The following NALF1 variants were observed in gnomAD, a reference collection of about 807,000 sequenced individuals.
The protein encoded by NALF1 is NALCN channel auxiliary factor 1.
A neutral mutation model predicts 48.4 loss-of-function variants in NALF1; 3 were observed. The ratio of observed to expected loss-of-function variants is 0.06; its 90% CI spans 0.03 to 0.16. The LOEUF is 0.16. Ranked by LOEUF, NALF1 falls within the 10% of genes least tolerant of loss-of-function variation. NALF1 has a pLI of 1.00. For synonymous variants in NALF1, 262 were observed against 245.7 expected (o/e 1.07, Z -0.62); for missense variants, 526 against 571.5 (o/e 0.92, Z 0.81).
At position 107,862,739 on chromosome 13, in the gene NALF1, G is replaced by A. The variant is rs1880608239; in HGVS notation, c.915+2943C>T. ...ATAATTTTATTAGGTCTATTCTAAGGGGTTTCTTCTGAATAATTGGTCAAA... is the reference window on the plus strand; with the variant it reads ...ATAATTTTATTAGGTCTATTCTAAGAGGTTTCTTCTGAATAATTGGTCAAA... On this transcript the variant is annotated intron_variant, in intron 1 of 2. Transcript: ENST00000375915. Among the ~76,000 whole-genome samples, 4 of 151,692 alleles carry A rather than the reference G, an allele frequency of 2.6e-5. No individual in the cohort carries two copies. The South Asian group carries it at 6.3e-4, about 24-fold the overall frequency.
chr13:107,867,077 G>A lies in NALF1; in HGVS notation c.-481C>T, dbSNP rs1436946915. ...GCCCAGCCCGCTCTCCCCTGCCAGG[G>A]GCATGCCGCGCCTCCGCTGCCCACT... On this transcript the variant is annotated 5_prime_UTR_variant, in exon 1 of 3. Coordinates refer to ENST00000375915, the MANE Select transcript of NALF1 (RefSeq NM_001080396.3). This position sits in a 1 kb window ranked among gnomAD's most constrained non-coding sequence, Gnocchi z 4.4. Among the ~76,000 whole-genome samples the A allele has an allele frequency of 1.3e-5, 2 of 151,696 alleles. No individual in the cohort carries two copies. The highest frequency in any genetic ancestry group is 4.8e-5 in the African/African-American group (2 of 41,330).
At chr13:107,508,111 A>G (rs1447999189) in intron 1 of NALF1, among the ~76,000 whole-genome samples, 3 of 152,172 alleles carry the variant, frequency 2.0e-5, no homozygotes, top group African/African-American at 7.2e-5. Context: ...CATTAATAGA[A>G]ACATGAAATA....
intron 1 of NALF1, among the ~76,000 whole-genome samples, chr13:107,786,416 CAA>C (rs34857705): frequency 0.25 from 7,285 of 28,764 alleles, 141 homozygotes; most frequent in Non-Finnish European, 0.28. Flanking sequence ...AACTCTTTCT[CAA>C]AAAAAAAAAA....
At chr13:107,496,907 A>G (rs1875357542) in intron 1 of NALF1, among the ~76,000 whole-genome samples, 1 of 152,176 alleles carries the variant, frequency 6.6e-6, no homozygotes, top group African/African-American at 2.4e-5. Context: ...CCAGGATTCA[A>G]TTACCTCCCA....
intron 1 of NALF1, among the ~76,000 whole-genome samples, chr13:107,255,093 G>A (rs541738399): frequency 6.6e-5 from 10 of 152,218 alleles, no homozygotes; most frequent in African/African-American, 2.4e-4. Context: ...AGGATCATAA[G>A]TGGTACATGG....
At chr13:107,809,300 C>A (rs1008637942) in intron 1 of NALF1, among the ~76,000 whole-genome samples, 1 of 152,056 alleles carries the variant, frequency 6.6e-6, no homozygotes, top group Non-Finnish European at 1.5e-5. Context: ...TCTCAAGCCA[C>A]ATCATCCCTC....
chr13:107,341,672 T>C (rs1489317708), intron 1 of NALF1, among the ~76,000 whole-genome samples: 1 of 151,314 alleles, frequency 6.6e-6, no homozygotes, highest in Non-Finnish European at 1.5e-5. Context: ...GTTGTATATA[T>C]GGGATATACA....
At chr13:107,177,767 G>A (rs1878967702) in intron 2 of NALF1, among the ~76,000 whole-genome samples, 1 of 152,166 alleles carries the variant, frequency 6.6e-6, no homozygotes, top group African/African-American at 2.4e-5. Flanking sequence ...AAGACTTAAG[G>A]GGCCAGGTGC....
intron 1 of NALF1, among the ~76,000 whole-genome samples, chr13:107,613,105 G>A (rs949544513): frequency 6.6e-6 from 1 of 152,094 alleles, no homozygotes; most frequent in Admixed American, 6.5e-5. Flanking sequence ...CAGATCACAG[G>A]GAAAGGTGAA....
At chr13:107,803,027 G>A (rs1242873487) in intron 1 of NALF1, among the ~76,000 whole-genome samples, 1 of 152,130 alleles carries the variant, frequency 6.6e-6, no homozygotes, top group South Asian at 2.1e-4. Context: ...GCACACAACT[G>A]CCTGAAAAAT....
At chr13:107,623,689 T>G (rs1022508948) in intron 1 of NALF1, among the ~76,000 whole-genome samples, 5 of 152,212 alleles carry the variant, frequency 3.3e-5, no homozygotes, top group African/African-American at 1.2e-4. Context: ...GAGGTGGGAT[T>G]GGCCTTCTGT....
At chr13:107,819,289 A>T (rs1245127011) in intron 1 of NALF1, among the ~76,000 whole-genome samples, 1 of 152,250 alleles carries the variant, frequency 6.6e-6, no homozygotes, top group African/African-American at 2.4e-5. Flanking sequence ...CCCAATGTTA[A>T]CACAATGGCT....
At chr13:107,713,566 T>C (rs1875664626) in intron 1 of NALF1, among the ~76,000 whole-genome samples, 1 of 152,196 alleles carries the variant, frequency 6.6e-6, no homozygotes, top group African/African-American at 2.4e-5. Context: ...TATCATCATC[T>C]GAGGTCACAT....
chr13:107,438,758 G>A (rs1046838431), intron 1 of NALF1, among the ~76,000 whole-genome samples: 2 of 139,088 alleles, frequency 1.4e-5, no homozygotes, highest in Non-Finnish European at 3.0e-5. Flanking sequence ...CCAGGAGGCG[G>A]AGTTTGCAGC....
intron 1 of NALF1, among the ~76,000 whole-genome samples, chr13:107,367,254 A>C (rs1883167831): frequency 6.6e-6 from 1 of 152,190 alleles, no homozygotes; most frequent in Admixed American, 6.5e-5. Context: ...TATCATGATA[A>C]AAGACTGGGT....
At chr13:107,340,467 TTCTC>T (rs1235823206) in intron 1 of NALF1, among the ~76,000 whole-genome samples, 1 of 39,888 alleles carries the variant, frequency 2.5e-5, no homozygotes, top group Admixed American at 3.0e-4. Flanking sequence ...TCTTTCTTTC[TTCTC>T]TCTTTCTTTC....
chr13:107,722,725 T>G (rs534005240), intron 1 of NALF1, among the ~76,000 whole-genome samples: 2 of 152,278 alleles, frequency 1.3e-5, no homozygotes, highest in Non-Finnish European at 2.9e-5. Flanking sequence ...TCTCCACCCC[T>G]CATTTCCATC....
intron 2 of NALF1, among the ~76,000 whole-genome samples, chr13:107,181,256 C>G (rs1029797305): frequency 6.6e-6 from 1 of 151,360 alleles, no homozygotes; most frequent in South Asian, 2.1e-4. Flanking sequence ...TTACTATTCT[C>G]TTTGTAACAA....
intron 1 of NALF1, among the ~76,000 whole-genome samples, chr13:107,836,430 C>T (rs567257581): frequency 1.3e-5 from 2 of 152,056 alleles, no homozygotes; most frequent in East Asian, 1.9e-4. Context: ...AAATTAAGAT[C>T]GTTAAACATT....
Sources: allele counts gnomAD v4.1 joint callset (sites outside exome capture counted in the v4.1 genomes callset), GRCh38; gene constraint gnomAD v4.1.1; non-coding constraint Gnocchi (gnomAD v3.1); transcripts MANE v1.5; gene names NCBI Gene and HGNC (gene_info 2026-07-23, HGNC 2026-07-21).